The following RFX3 variants were observed in gnomAD, a reference collection of about 807,000 sequenced individuals.
The protein encoded by RFX3 is transcription factor RFX3.
In RFX3, 14 loss-of-function variants were observed where a neutral mutation model predicts 98.6. That is an observed-to-expected ratio of 0.14 (90% CI 0.09 to 0.22). RFX3 has a LOEUF of 0.22. Among genes scored for constraint, RFX3 ranks in the 10% least tolerant of loss-of-function variants. RFX3 has a pLI of 1.00. For synonymous variants in RFX3, 383 were observed against 328.4 expected, an observed-to-expected ratio of 1.17 and a Z score of -1.80; for missense variants, 639 against 926.9, an observed-to-expected ratio of 0.69 and a Z score of 4.03.
At chr9:3,452,152 C>T (rs537168777) in intron 1 of RFX3, among the ~76,000 whole-genome samples, 13 of 152,196 alleles carry the variant, frequency 8.5e-5, no homozygotes, top group Non-Finnish European at 1.8e-4. Context: ...TGCTGACGCC[C>T]TATCTGACAC....
intron 2 of RFX3, among the ~76,000 whole-genome samples, chr9:3,378,462 T>A (rs1838790682): frequency 6.6e-6 from 1 of 152,046 alleles, no homozygotes; most frequent in African/African-American, 2.4e-5. Context: ...ATGATATGTA[T>A]AAGTTTCTAT....
intron 1 of RFX3, among the ~76,000 whole-genome samples, chr9:3,427,956 G>A (rs1452842496): frequency 1.3e-5 from 2 of 151,994 alleles, no homozygotes; most frequent in African/African-American, 2.4e-5. Flanking sequence ...GCTCAGAGGT[G>A]CCACTGTTTC....
intron 2 of RFX3, among the ~76,000 whole-genome samples, chr9:3,376,644 G>A (rs1838531370): frequency 6.6e-6 from 1 of 152,112 alleles, no homozygotes; most frequent in Non-Finnish European, 1.5e-5. Context: ...ACTACCATCA[G>A]AGTGAACACG....
intron 1 of RFX3, among the ~76,000 whole-genome samples, chr9:3,415,164 T>C (rs946083614): frequency 2.2e-5 from 3 of 138,608 alleles, no homozygotes; most frequent in Admixed American, 7.6e-5. Flanking sequence ...TTCTTATATA[T>C]ATATACTTAT....
At chr9:3,391,957 G>A (rs891151441) in intron 2 of RFX3, among the ~76,000 whole-genome samples, 9 of 151,976 alleles carry the variant, frequency 5.9e-5, no homozygotes, top group South Asian at 2.1e-4. Flanking sequence ...AATTAAATTC[G>A]TGCAATAAAT....
chr9:3,409,960 G>A (rs1033535273), intron 1 of RFX3, among the ~76,000 whole-genome samples: 2 of 152,066 alleles, frequency 1.3e-5, no homozygotes, highest in African/African-American at 4.8e-5. Context: ...ATGGTTAATA[G>A]GAGAAGAAAG....
At chr9:3,244,638 C>T (rs1299614913) in intron 15 of RFX3, among the ~76,000 whole-genome samples, 5 of 152,174 alleles carry the variant, frequency 3.3e-5, no homozygotes, top group Non-Finnish European at 7.4e-5. Flanking sequence ...TTCAGATTCT[C>T]TCTTCACAGA....
chr9:3,294,218 T>G (rs1563876577), intron 5 of RFX3, among the ~76,000 whole-genome samples: 1 of 152,142 alleles, frequency 6.6e-6, no homozygotes, highest in Non-Finnish European at 1.5e-5. Flanking sequence ...ATTGTCTCCA[T>G]GCCTGAGTCT....
intron 1 of RFX3, among the ~76,000 whole-genome samples, chr9:3,399,184 CA>C (rs1841222187): frequency 6.6e-6 from 1 of 151,286 alleles, no homozygotes; most frequent in Non-Finnish European, 1.5e-5. Context: ...CCTGTAATCC[CA>C]ACACTTTGGG....
intron 1 of RFX3, among the ~76,000 whole-genome samples, chr9:3,439,460 C>T (rs1036469999): frequency 2.0e-5 from 3 of 151,844 alleles, no homozygotes; most frequent in African/African-American, 7.2e-5. Context: ...TTAGCAATTC[C>T]AGGAAGGAGA....
Position 3,330,357 on chromosome 9 carries a change from GTCC to G in RFX3, c.373_375del (p.Gly125del). ...GTTCCTCCAGAGCTGCTGATGAGTT[GTCC>G]TCCTGTGACGCCCATCTGAATCCCA... On this transcript the variant is annotated inframe_deletion, in exon 4 of 17. Transcript: ENST00000617270. 1 of 1,614,128 alleles carries G rather than the reference GTCC, an allele frequency of 6.2e-7. No homozygotes were observed. Among genetic ancestry groups the G allele is most frequent in the Non-Finnish European group, 8.5e-7 (1 of 1,180,030 alleles).
intron 1 of RFX3, among the ~76,000 whole-genome samples, chr9:3,455,162 C>T (rs1307154481): frequency 6.6e-6 from 1 of 152,176 alleles, no homozygotes; most frequent in Admixed American, 6.5e-5. Flanking sequence ...ATGTTTTTCA[C>T]TGTTTCTAGG....
chr9:3,420,918 T>C lies in RFX3; in HGVS notation c.-8-25322A>G, dbSNP rs1430640516. The C allele has an allele frequency of 8.1e-6, 8 of 984,680 alleles. No homozygotes were observed. The African/African-American group carries it at 8.8e-5, about 11-fold the overall frequency. The allele number at this position is 984,680 out of a possible 1,614,324, so 61.0% of individuals were successfully genotyped here. Reference sequence around the variant, plus strand: ...GGGTCAAATCTGAAACCAGCAAATATGGATCTTTCTCATCTGTAAAGTTCT... The same window carrying C: ...GGGTCAAATCTGAAACCAGCAAATACGGATCTTTCTCATCTGTAAAGTTCT... On this transcript the variant is annotated intron_variant, in intron 1 of 16. Transcript: ENST00000617270.
intron 10 of RFX3, 197 bp from the exon 11 acceptor site, chr9:3,270,722 C>T: frequency 1.5e-6 from 1 of 669,260 alleles, no homozygotes. Context: ...GCTGTCTATG[C>T]ACATTTGTAT....
At chr9:3,398,237 GTAT>G (rs1841100578) in intron 1 of RFX3, among the ~76,000 whole-genome samples, 1 of 151,788 alleles carries the variant, frequency 6.6e-6, no homozygotes, top group African/African-American at 2.4e-5. Flanking sequence ...TGCCTAACGA[GTAT>G]TACTAGAGGA....
intron 4 of RFX3, among the ~76,000 whole-genome samples, chr9:3,319,289 T>C (rs1022518455): frequency 2.0e-5 from 3 of 152,162 alleles, no homozygotes; most frequent in Admixed American, 1.3e-4. Flanking sequence ...GATCCAGAGA[T>C]GTGTTTTAAT....
Position 3,293,073 on chromosome 9 carries a change from T to A in RFX3, c.731+4A>T. 6.2e-7 allele frequency: 1 copy of A among 1,605,362 alleles called. No homozygotes were observed. ...AGTTTATGATCTTATTTTTCAATACTAACCTAGTGCCCAATCTCCTGGTTC... is the reference window on the plus strand; with the variant it reads ...AGTTTATGATCTTATTTTTCAATACAAACCTAGTGCCCAATCTCCTGGTTC... On this transcript the variant is annotated splice_donor_region_variant and intron_variant, in intron 6 of 16. Transcript: ENST00000617270.
intron 1 of RFX3, chr9:3,420,663 AAAG>A (rs1280889387): frequency 5.2e-6 from 2 of 383,724 alleles, no homozygotes; most frequent in Non-Finnish European, 7.1e-6. Context: ...CACATAGATA[AAAG>A]AAGAGGAGTA....
intron 13 of RFX3, among the ~76,000 whole-genome samples, chr9:3,260,641 GAAAT>G (rs1255930064): frequency 5.9e-5 from 9 of 151,338 alleles, no homozygotes; most frequent in Admixed American, 5.3e-4. Context: ...AAAAAGATTT[GAAAT>G]AAATATTACA....
Sources: allele counts gnomAD v4.1 joint callset (sites outside exome capture counted in the v4.1 genomes callset), GRCh38; gene constraint gnomAD v4.1.1; transcripts MANE v1.5; gene names NCBI Gene and HGNC (gene_info 2026-07-23, HGNC 2026-07-21).